The following DUSP22 variants were observed in gnomAD, a reference collection of about 807,000 sequenced individuals.
DUSP22 encodes the protein dual specificity phosphatase 22.
In DUSP22, 24 loss-of-function variants were observed where a neutral mutation model predicts 24.5. The observed-to-expected ratio is 0.98, with a 90% CI of 0.71 to 1.38. DUSP22 has a LOEUF of 1.38. DUSP22 is among the 40% of genes most tolerant of loss of function. The probability of loss-of-function intolerance (pLI) is 0.00; values close to 1 mark genes in which losing one functional copy is unlikely to be tolerated. For synonymous variants in DUSP22, 160 were observed against 106.4 expected, an observed-to-expected ratio of 1.50 and a Z score of -3.10; for missense variants, 330 against 269.2, an observed-to-expected ratio of 1.23 and a Z score of -1.58.
chr6:301,279 G>A (rs1757570109), intron 1 of DUSP22, among the ~76,000 whole-genome samples: 1 of 152,302 alleles, frequency 6.6e-6, no homozygotes, highest in East Asian at 1.9e-4. Flanking sequence ...CCAAACAGTG[G>A]GAACCTCTTC....
intron 3 of DUSP22, 92 bp downstream of exon 3, chr6:312,054 A>T (rs1196793850): frequency 5.3e-6 from 7 of 1,318,372 alleles, no homozygotes; most frequent in Non-Finnish European, 6.3e-6. Flanking sequence ...GGTTCTCTCC[A>T]ATGCGAACGT....
chr6:312,083 G>T (rs560624645), intron 3 of DUSP22, 121 bp downstream of exon 3: 11 of 1,085,474 alleles, frequency 1.0e-5, no homozygotes, highest in Middle Eastern at 4.1e-4. Flanking sequence ...GATCTCTGGC[G>T]GCATTCCCAT....
Position 349,297 on chromosome 6 carries a change from ATGTG to A in DUSP22, c.*350_*353del, listed in dbSNP as rs1486539454. Reference sequence around the variant, plus strand: ...AGGGTATGTGCACCTAAGTGTGTACATGTGTGTATGTTGTGAAAGTGTCTGTGCA... The same window carrying A: ...AGGGTATGTGCACCTAAGTGTGTACATGTATGTTGTGAAAGTGTCTGTGCA... On this transcript the variant is annotated 3_prime_UTR_variant, in exon 7 of 7. Coordinates refer to ENST00000419235, the MANE Select transcript of DUSP22 (RefSeq NM_001286555.3). The A allele has an allele frequency of 9.9e-6, 12 of 1,215,982 alleles. No individual in the cohort carries two copies. In the East Asian group the frequency reaches 1.3e-4, roughly 13 times the overall value. 75.3% of individuals were successfully genotyped at this position (1,215,982 alleles called of 1,614,324 possible).
intron 4 of DUSP22, among the ~76,000 whole-genome samples, chr6:341,276 C>T (rs1019190663): frequency 5.9e-5 from 9 of 152,422 alleles, no homozygotes; most frequent in African/African-American, 1.7e-4. Flanking sequence ...GGTGAACTGC[C>T]GATGAAACGG....
At chr6:346,494 G>A (rs1759882862) in intron 5 of DUSP22, among the ~76,000 whole-genome samples, 1 of 152,286 alleles carries the variant, frequency 6.6e-6, no homozygotes, top group Admixed American at 6.5e-5. Flanking sequence ...CTTAACCCGA[G>A]GATGATGCAT....
chr6:329,065 G>A (rs1048350784), intron 3 of DUSP22, among the ~76,000 whole-genome samples: 5 of 152,296 alleles, frequency 3.3e-5, no homozygotes, highest in African/African-American at 4.8e-5. Flanking sequence ...TGCCACACAC[G>A]TAAATGAGCA....
intron 4 of DUSP22, among the ~76,000 whole-genome samples, chr6:336,160 G>C (rs941833834): frequency 6.6e-6 from 1 of 152,416 alleles, no homozygotes; most frequent in Non-Finnish European, 1.5e-5. Flanking sequence ...TGAAAGGCTG[G>C]GGCTGGAAGT....
chr6:349,038 C>G lies in DUSP22; in HGVS notation c.*87C>G, dbSNP rs1442846191. 13 of 1,517,448 alleles carry G rather than the reference C, an allele frequency of 8.6e-6. No homozygotes were observed. Among genetic ancestry groups the G allele is most frequent in the African/African-American group, 1.4e-5 (1 of 72,386 alleles). The allele number at this position is 1,517,448 out of a possible 1,614,324, so 94.0% of individuals were successfully genotyped here. On this transcript the variant is annotated 3_prime_UTR_variant, in exon 7 of 7. Coordinates refer to ENST00000419235, the MANE Select transcript of DUSP22 (RefSeq NM_001286555.3). The stretch of plus-strand genomic sequence containing the variant: ...GTGCGGTGGTGGTGGCCGATGAGGA[C>G]AGGAAAGGGAGATAGCCAGGGCGAG...
intron 3 of DUSP22, among the ~76,000 whole-genome samples, chr6:330,360 G>A (rs1346742453): frequency 6.6e-6 from 1 of 152,306 alleles, no homozygotes; most frequent in Non-Finnish European, 1.5e-5. Flanking sequence ...AGAGGAGAGA[G>A]ACATGGCTTC....
At chr6:347,447 C>T in intron 5 of DUSP22, among the ~76,000 whole-genome samples, 1 of 152,308 alleles carries the variant, frequency 6.6e-6, no homozygotes, top group South Asian at 2.1e-4. Flanking sequence ...CATTCTGTGA[C>T]CGCCTTCATT....
intron 3 of DUSP22, among the ~76,000 whole-genome samples, chr6:316,038 G>T (rs1032640882): frequency 2.0e-5 from 3 of 152,308 alleles, no homozygotes; most frequent in Admixed American, 2.0e-4. Flanking sequence ...GGCCTTTGGC[G>T]ATGCCTAAGA....
intron 4 of DUSP22, among the ~76,000 whole-genome samples, chr6:338,767 G>C (rs1180161643): frequency 1.3e-5 from 2 of 152,304 alleles, no homozygotes; most frequent in African/African-American, 4.8e-5. Context: ...CAGCTTTGAT[G>C]TAATTTAACA....
Position 345,808 on chromosome 6 carries a change from T to C in DUSP22, c.189-46T>C, listed in dbSNP as rs764775470. 59 of 1,603,402 alleles carry C rather than the reference T, an allele frequency of 3.7e-5. No homozygotes were observed. In the South Asian group the frequency reaches 5.5e-4, roughly 15 times the overall value. ...GGTAGAATTTTCTTTTCATCATATATTGAGTAAAGTAGAGAGATGTCATTT... is the reference window on the plus strand; with the variant it reads ...GGTAGAATTTTCTTTTCATCATATACTGAGTAAAGTAGAGAGATGTCATTT... On this transcript the variant is annotated intron_variant, in intron 4 of 6. Transcript: ENST00000419235.
At chr6:341,493 C>T (rs1312487508) in intron 4 of DUSP22, among the ~76,000 whole-genome samples, 1 of 152,310 alleles carries the variant, frequency 6.6e-6, no homozygotes, top group African/African-American at 2.4e-5. Context: ...CACAGTCCTG[C>T]ACCAAAGTGG....
chr6:292,796 C>A lies in DUSP22; in HGVS notation c.21+236C>A, dbSNP rs3734780. 0.049 allele frequency among the ~76,000 whole-genome samples: 7,304 copies of A among 149,982 alleles called. 69 individuals carry two copies. Among genetic ancestry groups the A allele is most frequent in the East Asian group, 0.18 (898 of 5,022 alleles). ...GCCCCCAGCCGCCTGCCTTGCCAGC[C>A]GGTGCGTTTTCGTGGCTGAAACAAG... On this transcript the variant is annotated intron_variant, in intron 1 of 6. Coordinates refer to ENST00000419235, the MANE Select transcript of DUSP22 (RefSeq NM_001286555.3).
chr6:324,504 CAG>C (rs1561665166), intron 3 of DUSP22, among the ~76,000 whole-genome samples: 4 of 152,306 alleles, frequency 2.6e-5, no homozygotes, highest in Non-Finnish European at 4.4e-5. Flanking sequence ...TGAGGAGAAA[CAG>C]AAGAGCCGCT....
chr6:305,534 T>G (rs1422883091), intron 2 of DUSP22, among the ~76,000 whole-genome samples: 3 of 152,308 alleles, frequency 2.0e-5, no homozygotes, highest in Admixed American at 6.5e-5. Context: ...CTGGTGCTTC[T>G]CTTCTCACAC....
intron 3 of DUSP22, among the ~76,000 whole-genome samples, chr6:321,205 G>A (rs1758572536): frequency 6.6e-6 from 1 of 152,306 alleles, no homozygotes; most frequent in African/African-American, 2.4e-5. Flanking sequence ...GGTGCACTAA[G>A]GGATGGGGCA....
chr6:344,328 C>T (rs1759755952), intron 4 of DUSP22, among the ~76,000 whole-genome samples: 1 of 152,302 alleles, frequency 6.6e-6, no homozygotes, highest in South Asian at 2.1e-4. Flanking sequence ...CTGTGTCGCT[C>T]AGGCTGGAGT....
Sources: gnomAD v4.1 joint callset for allele counts (sites outside exome capture counted in the v4.1 genomes callset) on GRCh38, gnomAD v4.1.1 for gene constraint, MANE v1.5 for transcripts, NCBI Gene and HGNC (gene_info 2026-07-23, HGNC 2026-07-21) for gene names.